Variants in CDC42SE2 observed in about 807,000 individuals in gnomAD.
The protein encoded by CDC42SE2 is CDC42 small effector 2.
In CDC42SE2, 3 loss-of-function variants were observed where a neutral mutation model predicts 11.5. That is an observed-to-expected ratio of 0.26 (90% CI 0.12 to 0.67). CDC42SE2 has a LOEUF of 0.67. Ranked by LOEUF, CDC42SE2 falls within the 30% of genes least tolerant of loss-of-function variation. The probability of loss-of-function intolerance (pLI) is 0.80; values close to 1 mark genes in which losing one functional copy is unlikely to be tolerated. For synonymous variants in CDC42SE2, 33 were observed against 34.8 expected (o/e 0.95, Z 0.18); for missense variants, 82 against 106.8 (o/e 0.77, Z 1.02).
At chr5:131,360,618 C>T (rs537776126) in intron 3 of CDC42SE2, among the ~76,000 whole-genome samples, 2 of 152,296 alleles carry the variant, frequency 1.3e-5, no homozygotes, top group South Asian at 2.1e-4. Context: ...TATGGGTCTT[C>T]ACCATGTTAA....
At chr5:131,225,999 G>A in the CDC42SE2 span, among the ~76,000 whole-genome samples, 2 of 152,190 alleles carry the variant, frequency 1.3e-5, no homozygotes, top group African/African-American at 4.8e-5. Flanking sequence ...TGATGTGTTA[G>A]CTCAAGAAAC....
intron 1 of CDC42SE2, among the ~76,000 whole-genome samples, chr5:131,304,324 T>C (rs2149718472): frequency 6.6e-6 from 1 of 152,148 alleles, no homozygotes; most frequent in East Asian, 1.9e-4. Context: ...AAGGAAATAA[T>C]TCATTTTTCT....
At chr5:131,276,143 G>T (rs1757095980) in intron 1 of CDC42SE2, among the ~76,000 whole-genome samples, 1 of 149,916 alleles carries the variant, frequency 6.7e-6, no homozygotes, top group Non-Finnish European at 1.5e-5. Context: ...ATTTGCTGTT[G>T]GTTGATTAAG....
chr5:131,233,721 G>A, the CDC42SE2 span, among the ~76,000 whole-genome samples: 1 of 152,102 alleles, frequency 6.6e-6, no homozygotes, highest in African/African-American at 2.4e-5. Context: ...CACACTATAT[G>A]TATATTTGTA....
At chr5:131,357,670 T>C (rs1488776174) in intron 2 of CDC42SE2, among the ~76,000 whole-genome samples, 2 of 152,216 alleles carry the variant, frequency 1.3e-5, no homozygotes, top group African/African-American at 4.8e-5. Flanking sequence ...ACAGTCAAAT[T>C]GATACATCTT....
chr5:131,311,324 A>G (rs1757907188), intron 1 of CDC42SE2, among the ~76,000 whole-genome samples: 1 of 151,954 alleles, frequency 6.6e-6, no homozygotes, highest in Non-Finnish European at 1.5e-5. Context: ...TGTTAGTCTG[A>G]TGGGCTTCCC....
chr5:131,287,639 T>C (rs1278012086), intron 1 of CDC42SE2, among the ~76,000 whole-genome samples: 3 of 151,746 alleles, frequency 2.0e-5, no homozygotes. Context: ...TTTTTTCTTT[T>C]TTTTTGCATT....
the CDC42SE2 span, among the ~76,000 whole-genome samples, chr5:131,235,605 GT>G: frequency 7.0e-6 from 1 of 142,696 alleles, no homozygotes; most frequent in Non-Finnish European, 1.5e-5. Context: ...GTTTGTTTTT[GT>G]TTTTTTTAGA....
At chr5:131,346,476 A>G (rs1240886593) in intron 2 of CDC42SE2, among the ~76,000 whole-genome samples, 2 of 152,248 alleles carry the variant, frequency 1.3e-5, no homozygotes, top group Non-Finnish European at 2.9e-5. Flanking sequence ...ATGTGCATCT[A>G]ATACAGGAGT....
At chr5:131,383,185 C>G (rs1180403217) in intron 3 of CDC42SE2, among the ~76,000 whole-genome samples, 1 of 152,184 alleles carries the variant, frequency 6.6e-6, no homozygotes, top group Non-Finnish European at 1.5e-5. Context: ...GGTGTCAAGT[C>G]TGCCATTAGG....
At chr5:131,290,857 A>G (rs1406922994) in intron 1 of CDC42SE2, among the ~76,000 whole-genome samples, 1 of 152,060 alleles carries the variant, frequency 6.6e-6, no homozygotes, top group African/African-American at 2.4e-5. Context: ...TTAGAACCTC[A>G]TGGAAGTGAT....
chr5:131,249,898 T>C (rs1181326663), intron 1 of CDC42SE2, among the ~76,000 whole-genome samples: 1 of 151,948 alleles, frequency 6.6e-6, no homozygotes, highest in Non-Finnish European at 1.5e-5. Flanking sequence ...AAAAAGAGCA[T>C]AGGGAGATAT....
the CDC42SE2 span, among the ~76,000 whole-genome samples, chr5:131,210,450 T>C: frequency 6.6e-6 from 1 of 152,242 alleles, no homozygotes; most frequent in Admixed American, 6.5e-5. Flanking sequence ...TTCCTCCTTC[T>C]TGAAGTACAT....
At chr5:131,216,995 A>G in the CDC42SE2 span, among the ~76,000 whole-genome samples, 1 of 152,094 alleles carries the variant, frequency 6.6e-6, no homozygotes, top group Non-Finnish European at 1.5e-5. Context: ...TTGAATAATC[A>G]TCAAGCAGGA....
chr5:131,351,991 C>CATAT (rs1270814341), intron 2 of CDC42SE2, among the ~76,000 whole-genome samples: 1 of 152,090 alleles, frequency 6.6e-6, no homozygotes, highest in Admixed American at 6.5e-5. Flanking sequence ...AAGGTTGGAA[C>CATAT]ATATTTACCC....
chr5:131,292,906 C>CCAA (rs1322878490), intron 1 of CDC42SE2, among the ~76,000 whole-genome samples: 14 of 58,898 alleles, frequency 2.4e-4, no homozygotes, highest in African/African-American at 1.4e-3. Context: ...GACCCTGTCT[C>CCAA]AAAAAAAAAA....
rs1750644601 is a variant in CDC42SE2, at chr5:131,391,285, A to G, written c.*194A>G. On this transcript the variant is annotated 3_prime_UTR_variant, in exon 5 of 5. Transcript: ENST00000505065. Reference sequence around the variant, plus strand: ...TAAGTTTTAGGTTCTTTTCCTTATTAAGAACTTTAAATACTTTAAAACATC... The same window carrying G: ...TAAGTTTTAGGTTCTTTTCCTTATTGAGAACTTTAAATACTTTAAAACATC... 1 of 238,190 alleles carries G rather than the reference A, an allele frequency of 4.2e-6. No homozygotes were observed. Among genetic ancestry groups the G allele is most frequent in the South Asian group, 1.6e-4 (1 of 6,320 alleles). The allele number at this position is 238,190 out of a possible 1,614,324, so 14.8% of individuals were successfully genotyped here.
chr5:131,394,648 CAATA>C lies in CDC42SE2; in HGVS notation c.*3561_*3564del, dbSNP rs986059416. Reference sequence around the variant, plus strand: ...TAAAAAGAAAGTATTGATTTTGATTCAATAAATGTTTTCTTTCAATCCTGGTTGG... The same window carrying C: ...TAAAAAGAAAGTATTGATTTTGATTCAATGTTTTCTTTCAATCCTGGTTGG... On this transcript the variant is annotated 3_prime_UTR_variant, in exon 5 of 5. Coordinates refer to ENST00000505065, the MANE Select transcript of CDC42SE2 (RefSeq NM_001375635.1). 1.3e-5 allele frequency: 2 copies of C among 152,268 alleles called. No individual in the cohort carries two copies. Among genetic ancestry groups the C allele is most frequent in the Non-Finnish European group, 2.9e-5 (2 of 68,020 alleles). The allele number at this position is 152,268 out of a possible 1,614,324, so 9.4% of individuals were successfully genotyped here. A position where few individuals can be genotyped will look rare whatever the true frequency, so the allele number is the denominator to read the frequency against.
intron 1 of CDC42SE2, among the ~76,000 whole-genome samples, chr5:131,283,802 C>T (rs1184173302): frequency 6.6e-6 from 1 of 152,104 alleles, no homozygotes. Context: ...CCATCATTCT[C>T]TTTTATGGCT....
Sources: gnomAD v4.1 joint callset for allele counts (sites outside exome capture counted in the v4.1 genomes callset) on GRCh38, gnomAD v4.1.1 for gene constraint, MANE v1.5 for transcripts, NCBI Gene and HGNC (gene_info 2026-07-23, HGNC 2026-07-21) for gene names.